Variants in CPA6 observed in about 807,000 individuals in gnomAD.
The protein encoded by CPA6 is carboxypeptidase B.
A neutral mutation model predicts 63.3 loss-of-function variants in CPA6; 58 were observed. That is an observed-to-expected ratio of 0.92 (90% CI 0.74 to 1.14). The LOEUF (loss-of-function observed/expected upper bound fraction) is 1.14, where lower values mean the gene tolerates loss of function less well. Among genes scored for constraint, CPA6 ranks in the 50% most tolerant of loss-of-function variants. The pLI, the probability that CPA6 is intolerant of heterozygous loss-of-function variation, is 0.00. For missense variants in CPA6, 565 were observed against 526.6 expected (o/e 1.07, Z -0.71); for synonymous variants, 185 against 179.0 (o/e 1.03, Z -0.27).
At chr8:67,568,983 T>C (rs1813414482) in intron 2 of CPA6, among the ~76,000 whole-genome samples, 1 of 152,186 alleles carries the variant, frequency 6.6e-6, no homozygotes, top group Non-Finnish European at 1.5e-5. Flanking sequence ...GCTCCTGACC[T>C]CAGGTGATCC....
Position 67,463,486 on chromosome 8 carries a change from A to ATAAATAAAT in CPA6, c.838+20281_838+20282insATTTATTTA, listed in dbSNP as rs58675908. Among the ~76,000 whole-genome samples, 63 of 151,626 alleles carry ATAAATAAAT rather than the reference A, an allele frequency of 4.2e-4. 1 individual carries two copies. The highest frequency in any genetic ancestry group is 1.5e-3 in the South Asian group (7 of 4,790). On this transcript the variant is annotated intron_variant, in intron 8 of 10. Coordinates refer to ENST00000297770, the MANE Select transcript of CPA6 (RefSeq NM_020361.5). ...AATAAATAAATAAATAGATAAATAAAAGAAGAATTCTAAAACTAAGTTTAG... is the reference window on the plus strand; with the variant it reads ...AATAAATAAATAAATAGATAAATAAATAAATAAATAGAAGAATTCTAAAACTAAGTTTAG...
At chr8:67,583,095 C>T (rs1179252471) in intron 2 of CPA6, among the ~76,000 whole-genome samples, 1 of 150,320 alleles carries the variant, frequency 6.7e-6, no homozygotes, top group African/African-American at 2.5e-5. Context: ...AATAGTTTAG[C>T]ACGATGAAGT....
chr8:67,728,141 A>G (rs1275745915), intron 1 of CPA6, among the ~76,000 whole-genome samples: 1 of 151,210 alleles, frequency 6.6e-6, no homozygotes, highest in Admixed American at 6.6e-5. Flanking sequence ...AACAAACAAA[A>G]CAAAACAAAA....
Position 67,733,033 on chromosome 8 carries a change from A to G in CPA6, c.116+12981T>C, listed in dbSNP as rs558445052. ...AACACGGTGAAACCCCGTCTCTACTAAAAATACAAAAAATTAGCCAGGTGT... is the reference window on the plus strand; with the variant it reads ...AACACGGTGAAACCCCGTCTCTACTGAAAATACAAAAAATTAGCCAGGTGT... On this transcript the variant is annotated intron_variant, in intron 1 of 10. Coordinates refer to ENST00000297770, the MANE Select transcript of CPA6 (RefSeq NM_020361.5). Among the ~76,000 whole-genome samples the G allele has an allele frequency of 2.7e-3, 403 of 151,738 alleles. 5 individuals carry two copies. The highest frequency in any genetic ancestry group is 9.5e-3 in the African/African-American group (394 of 41,362).
intron 1 of CPA6, among the ~76,000 whole-genome samples, chr8:67,674,843 G>GA (rs772021576): frequency 1.6e-4 from 24 of 152,112 alleles, no homozygotes; most frequent in Non-Finnish European, 2.9e-4. Flanking sequence ...ACACAGCCAT[G>GA]AAAAAAACCA....
At chr8:67,594,447 G>A (rs1176521450) in intron 2 of CPA6, among the ~76,000 whole-genome samples, 1 of 152,154 alleles carries the variant, frequency 6.6e-6, no homozygotes, top group African/African-American at 2.4e-5. Context: ...CTAGATTGGG[G>A]AAGTTCTCCT....
intron 1 of CPA6, among the ~76,000 whole-genome samples, chr8:67,732,254 C>T (rs1453750556): frequency 6.6e-6 from 1 of 152,192 alleles, no homozygotes; most frequent in Non-Finnish European, 1.5e-5. Flanking sequence ...CCCCACATTC[C>T]TCCGAAAGCC....
intron 1 of CPA6, among the ~76,000 whole-genome samples, chr8:67,631,657 T>C (rs554940910): frequency 6.6e-6 from 1 of 152,320 alleles, no homozygotes; most frequent in Non-Finnish European, 1.5e-5. Flanking sequence ...GGCAACCCAC[T>C]AGGGTTCTCT....
chr8:67,663,865 T>C (rs1157464408), intron 1 of CPA6, among the ~76,000 whole-genome samples: 2 of 152,298 alleles, frequency 1.3e-5, no homozygotes, highest in Admixed American at 6.5e-5. Flanking sequence ...CAACATAATG[T>C]TTTGTGCTAC....
At chr8:67,537,387 A>G (rs946306195) in intron 2 of CPA6, among the ~76,000 whole-genome samples, 15 of 152,156 alleles carry the variant, frequency 9.9e-5, no homozygotes, top group African/African-American at 2.9e-4. Flanking sequence ...TTATTGGTCT[A>G]TTTAGGCATT....
intron 2 of CPA6, among the ~76,000 whole-genome samples, chr8:67,574,056 T>C (rs1813559379): frequency 6.6e-6 from 1 of 151,836 alleles, no homozygotes; most frequent in Admixed American, 6.6e-5. Context: ...CATGTGAAAA[T>C]CTCAATGTCA....
At chr8:67,479,586 T>C (rs566589104) in intron 8 of CPA6, among the ~76,000 whole-genome samples, 1 of 149,960 alleles carries the variant, frequency 6.7e-6, no homozygotes, top group East Asian at 1.9e-4. Context: ...ATATTACCTG[T>C]GGTGGTGGTT....
chr8:67,633,247 T>C (rs1340849361), intron 1 of CPA6, among the ~76,000 whole-genome samples: 2 of 152,224 alleles, frequency 1.3e-5, no homozygotes, highest in African/African-American at 4.8e-5. Context: ...GCTTTCTTTT[T>C]GTTTGCCTGG....
intron 8 of CPA6, among the ~76,000 whole-genome samples, chr8:67,479,172 A>T (rs1021286163): frequency 5.9e-5 from 9 of 152,214 alleles, no homozygotes; most frequent in Admixed American, 5.2e-4. Context: ...AGACCCACCA[A>T]AGAAGAAAAC....
rs565295063 is a variant in CPA6, at chr8:67,526,125, T to A, written c.193-8078A>T. On this transcript the variant is annotated intron_variant, in intron 2 of 10. Transcript: ENST00000297770. The stretch of plus-strand genomic sequence containing the variant: ...TCAGTGAGAGAGACTTAGAAACGAC[T>A]TATTATGGAATTTGGATTTGCTTTA... Among the ~76,000 whole-genome samples, 3 of 152,326 alleles carry A rather than the reference T, an allele frequency of 2.0e-5. No homozygotes were observed. In the South Asian group the frequency reaches 6.2e-4, roughly 32 times the overall value.
intron 1 of CPA6, among the ~76,000 whole-genome samples, chr8:67,641,732 G>A (rs941454276): frequency 2.6e-5 from 4 of 151,356 alleles, no homozygotes; most frequent in Non-Finnish European, 2.9e-5. Context: ...GTGTAAATAA[G>A]AACAAAACAT....
intron 1 of CPA6, among the ~76,000 whole-genome samples, chr8:67,677,282 C>G (rs921896104): frequency 6.6e-6 from 1 of 151,822 alleles, no homozygotes; most frequent in African/African-American, 2.4e-5. Context: ...ACAGCAGCTA[C>G]TCCACTGCCT....
intron 8 of CPA6, among the ~76,000 whole-genome samples, chr8:67,444,179 A>G (rs895834708): frequency 2.0e-5 from 3 of 151,798 alleles, no homozygotes; most frequent in East Asian, 2.0e-4. Context: ...TAGTAGAGAC[A>G]GGGTTTCACC....
chr8:67,681,017 T>C (rs907853294), intron 1 of CPA6, among the ~76,000 whole-genome samples: 24 of 152,054 alleles, frequency 1.6e-4, no homozygotes, highest in Non-Finnish European at 2.9e-4. Flanking sequence ...TTATCAAATA[T>C]ATGCATCATA....
Sources: allele counts gnomAD v4.1 joint callset (sites outside exome capture counted in the v4.1 genomes callset), GRCh38; gene constraint gnomAD v4.1.1; transcripts MANE v1.5; gene names NCBI Gene and HGNC (gene_info 2026-07-23, HGNC 2026-07-21).